LIN52: variants seen among roughly 807,000 people sequenced by gnomAD.
LIN52 encodes the protein protein lin-52 homolog.
A neutral mutation model predicts 18.5 loss-of-function variants in LIN52; 4 were observed. That is an observed-to-expected ratio of 0.22 (90% confidence interval 0.11 to 0.49). The LOEUF is 0.49. Among genes scored for constraint, LIN52 ranks in the 20% least tolerant of loss-of-function variants. LIN52 has a pLI of 0.97. For missense variants in LIN52, 102 were observed against 139.5 expected (o/e 0.73, Z 1.35); for synonymous variants, 34 against 45.5 (o/e 0.75, Z 1.02).
At chr14:74,086,520 G>A (rs1364821332) in intron 1 of LIN52, among the ~76,000 whole-genome samples, 1 of 152,016 alleles carries the variant, frequency 6.6e-6, no homozygotes, top group Non-Finnish European at 1.5e-5. Flanking sequence ...TGGGTGTGAT[G>A]CCACAAACCT....
In LIN52 at chr14:74,200,677, A is replaced by G. The variant is rs1163447341; in HGVS notation, c.*1700A>G. 6.6e-6 allele frequency: 1 copy of G among 152,254 alleles called. No individual in the cohort carries two copies. Among genetic ancestry groups the G allele is most frequent in the Admixed American group, 6.5e-5 (1 of 15,282 alleles). The allele number at this position is 152,254 out of a possible 1,614,324, so 9.4% of individuals were successfully genotyped here. On this transcript the variant is annotated 3_prime_UTR_variant, in exon 6 of 6. Coordinates refer to ENST00000555028, the MANE Select transcript of LIN52 (RefSeq NM_001024674.3). ...AAAAAAGACTTAACACAAGATAGGA[A>G]AGATGAGTATGAGAAGTAAAACATT...
At chr14:74,128,073 A>G (rs1236203302) in intron 5 of LIN52, among the ~76,000 whole-genome samples, 2 of 152,202 alleles carry the variant, frequency 1.3e-5, no homozygotes, top group Non-Finnish European at 2.9e-5. Flanking sequence ...AATGGAAAAT[A>G]TATGAAATAA....
chr14:74,131,785 T>C (rs1481388604), intron 5 of LIN52, among the ~76,000 whole-genome samples: 1 of 152,244 alleles, frequency 6.6e-6, no homozygotes, highest in Non-Finnish European at 1.5e-5. Context: ...GTTTTTCTGT[T>C]GGTTGAGTTT....
chr14:74,158,395 G>A (rs2061210018), intron 5 of LIN52, among the ~76,000 whole-genome samples: 1 of 152,092 alleles, frequency 6.6e-6, no homozygotes, highest in Non-Finnish European at 1.5e-5. Context: ...TTATAGGCGT[G>A]AGCCACCGTG....
chr14:74,125,081 A>T (rs937699703), intron 5 of LIN52, among the ~76,000 whole-genome samples: 1 of 152,202 alleles, frequency 6.6e-6, no homozygotes, highest in African/African-American at 2.4e-5. Flanking sequence ...ACAAAAAAAC[A>T]GCCCAATTAA....
At chr14:74,196,751 A>AC (rs1448766255) in intron 5 of LIN52, among the ~76,000 whole-genome samples, 1 of 152,052 alleles carries the variant, frequency 6.6e-6, no homozygotes, top group East Asian at 1.9e-4. Flanking sequence ...GAGAGAACTT[A>AC]CCCCCCTCTG....
chr14:74,130,278 G>GTGTTTTTTTTTTTTT (rs1566856480), intron 5 of LIN52, among the ~76,000 whole-genome samples: 4 of 64,842 alleles, frequency 6.2e-5, no homozygotes, highest in Non-Finnish European at 8.4e-5. Flanking sequence ...GCATTTTTTG[G>GTGTTTTTTTTTTTTT]TTTTTTTTTT....
intron 5 of LIN52, among the ~76,000 whole-genome samples, chr14:74,119,041 A>G (rs935890422): frequency 6.6e-6 from 1 of 151,992 alleles, no homozygotes; most frequent in African/African-American, 2.4e-5. Context: ...AGTTACCACA[A>G]TTTATTTCCT....
At chr14:74,109,795 G>A (rs2060916325) in intron 5 of LIN52, among the ~76,000 whole-genome samples, 1 of 152,072 alleles carries the variant, frequency 6.6e-6, no homozygotes, top group South Asian at 2.1e-4. Context: ...TTTGTATATT[G>A]ATCCTGTATT....
At chr14:74,195,737 T>C (rs2078908680) in intron 5 of LIN52, among the ~76,000 whole-genome samples, 1 of 152,184 alleles carries the variant, frequency 6.6e-6, no homozygotes, top group Non-Finnish European at 1.5e-5. Context: ...AAAAGCGCAG[T>C]TGGCATCACT....
chr14:74,196,175 G>A (rs1290805236), intron 5 of LIN52, among the ~76,000 whole-genome samples: 2 of 152,186 alleles, frequency 1.3e-5, no homozygotes, highest in East Asian at 1.9e-4. Flanking sequence ...GTTGAAGGGG[G>A]AGGAATGATT....
At chr14:74,118,966 A>G (rs538127075) in intron 5 of LIN52, among the ~76,000 whole-genome samples, 1 of 152,258 alleles carries the variant, frequency 6.6e-6, no homozygotes, top group East Asian at 1.9e-4. Flanking sequence ...ATCAGCGTTT[A>G]AATTATGACA....
At chr14:74,104,247 C>T (rs2098031) in intron 5 of LIN52, among the ~76,000 whole-genome samples, 1 of 151,896 alleles carries the variant, frequency 6.6e-6, no homozygotes, top group Non-Finnish European at 1.5e-5. Context: ...ATTATAACTA[C>T]AATTTTTTTA....
rs952857323 is a variant in LIN52, at chr14:74,138,587, T to C, written c.283+37349T>C. 1.1e-4 allele frequency among the ~76,000 whole-genome samples: 16 copies of C among 152,206 alleles called. 1 individual carries two copies. In the East Asian group the frequency reaches 3.1e-3, roughly 29 times the overall value. ...GGACAGCATAGCGAGTCTCCATCTC[T>C]ACAGAAAAATTTAAAAATTAGCTGG... is the stretch of plus-strand genomic sequence containing the variant. On this transcript the variant is annotated intron_variant, in intron 5 of 5. Transcript: ENST00000555028.
At position 74,137,496 on chromosome 14, in the gene LIN52, C is replaced by CTTTTTTTTTTT. The variant is rs1409995305; in HGVS notation, c.283+36259_283+36260insTTTTTTTTTTT. On this transcript the variant is annotated intron_variant, in intron 5 of 5. Transcript: ENST00000555028. ...GAGCACTAAATTCTTCACAGCAGCT[C>CTTTTTTTTTTT]TCTTTTTTTTTTTTTTTTTTGAGAT... Among the ~76,000 whole-genome samples, 22 of 85,508 alleles carry CTTTTTTTTTTT rather than the reference C, an allele frequency of 2.6e-4. 1 individual carries two copies. The highest frequency in any genetic ancestry group is 1.1e-3 in the African/African-American group (22 of 19,424). The allele number at this position is 85,508 out of a possible 152,430, so 56.1% of individuals were successfully genotyped here. A position where few individuals can be genotyped will look rare whatever the true frequency, so the allele number is the denominator to read the frequency against.
chr14:74,164,981 G>A (rs1335019438), intron 5 of LIN52, among the ~76,000 whole-genome samples: 3 of 152,086 alleles, frequency 2.0e-5, no homozygotes, highest in Admixed American at 6.6e-5. Context: ...GATTTACCAC[G>A]TTTCAATATC....
intron 5 of LIN52, among the ~76,000 whole-genome samples, chr14:74,128,491 T>A (rs2061040558): frequency 6.6e-6 from 1 of 152,174 alleles, no homozygotes; most frequent in South Asian, 2.1e-4. Context: ...CTACTCCCAC[T>A]GGACTGGAGA....
chr14:74,194,881 A>G (rs2078900275), intron 5 of LIN52, among the ~76,000 whole-genome samples: 1 of 152,250 alleles, frequency 6.6e-6, no homozygotes, highest in Non-Finnish European at 1.5e-5. Context: ...GAGGTGGCTC[A>G]TGCCTATAAT....
At chr14:74,138,041 A>G (rs2061108076) in intron 5 of LIN52, among the ~76,000 whole-genome samples, 1 of 152,168 alleles carries the variant, frequency 6.6e-6, no homozygotes, top group Non-Finnish European at 1.5e-5. Context: ...TTGAAACACA[A>G]ATTGACATGT....
Sources: allele counts gnomAD v4.1 joint callset (sites outside exome capture counted in the v4.1 genomes callset), GRCh38; gene constraint gnomAD v4.1.1; transcripts MANE v1.5; gene names NCBI Gene and HGNC (gene_info 2026-07-23, HGNC 2026-07-21).